Variants in FPR3 observed in about 807,000 individuals in gnomAD.
FPR3 encodes formyl peptide receptor 3.
For missense variants in FPR3, 346 were observed against 443.2 expected, an observed-to-expected ratio of 0.78 and a Z score of 1.97; for synonymous variants, 135 against 163.6, an observed-to-expected ratio of 0.83 and a Z score of 1.34.
intron 1 of FPR3, among the ~76,000 whole-genome samples, chr19:51,801,468 T>C (rs1051113198): frequency 2.0e-5 from 3 of 152,190 alleles, no homozygotes; most frequent in South Asian, 2.1e-4. Flanking sequence ...TCCTCTACAA[T>C]ATAGGTTCTA....
At chr19:51,802,951 G>A (rs2084033908) in intron 1 of FPR3, among the ~76,000 whole-genome samples, 1 of 151,960 alleles carries the variant, frequency 6.6e-6, no homozygotes. Flanking sequence ...AGCTGTCTGA[G>A]GGCAGGAATT....
At chr19:51,811,255 T>C (rs1485974244) in intron 1 of FPR3, among the ~76,000 whole-genome samples, 1 of 141,064 alleles carries the variant, frequency 7.1e-6, no homozygotes, top group African/African-American at 2.5e-5. Context: ...GTGCTGCCTG[T>C]GGAAACCATG....
At chr19:51,795,680 A>AT (rs1293871472) in intron 1 of FPR3, among the ~76,000 whole-genome samples, 7 of 151,042 alleles carry the variant, frequency 4.6e-5, no homozygotes, top group African/African-American at 1.7e-4. Context: ...CGCCTGGCTA[A>AT]TTTTTTGTAT....
At chr19:51,796,900 C>T (rs913084404) in intron 1 of FPR3, among the ~76,000 whole-genome samples, 13 of 152,050 alleles carry the variant, frequency 8.5e-5, no homozygotes, top group Non-Finnish European at 1.5e-4. Context: ...GAAAAGACAG[C>T]ATAATGGTTT....
At chr19:51,809,404 T>C (rs1055486443) in intron 1 of FPR3, among the ~76,000 whole-genome samples, 1 of 152,208 alleles carries the variant, frequency 6.6e-6, no homozygotes, top group Admixed American at 6.5e-5. Context: ...CCATAAAATT[T>C]CTTTCCTTTA....
At chr19:51,804,773 G>C (rs573171317) in intron 1 of FPR3, 4 of 152,314 alleles carry the variant, frequency 2.6e-5, no homozygotes, top group South Asian at 2.1e-4. Flanking sequence ...TGAACAAAGG[G>C]GGGTGAATGC....
chr19:51,820,981 A>G (rs17761865), intron 1 of FPR3, among the ~76,000 whole-genome samples: 20,042 of 152,194 alleles, frequency 0.13, 1,528 homozygotes, highest in South Asian at 0.29. Context: ...CATAAGTAGT[A>G]GCCACTATTG....
rs201759424 is a variant in FPR3, at chr19:51,823,848, G to T, written c.100G>T (p.Gly34Ter). 1.2e-6 allele frequency: 2 copies of T among 1,614,028 alleles called. No homozygotes were observed. The highest frequency in any genetic ancestry group is 2.7e-5 in the African/African-American group (2 of 75,008). ...VLWIFSLLVH[G>*]VTFVFGVLGN... ...GTGGATCTTCTCATTGCTAGTCCAC[G>T]GAGTCACCTTTGTCTTCGGGGTCCT... Residue 34 changes from glycine (G) to a stop codon, truncating the protein, a stop_gained, in exon 2 of 2, where the codon GGA (glycine) becomes TGA (stop). Coordinates refer to ENST00000339223, the MANE Select transcript of FPR3 (RefSeq NM_002030.5). LOFTEE classifies it low-confidence loss of function (END_TRUNC).
chr19:51,819,010 G>A (rs1478310292), intron 1 of FPR3, among the ~76,000 whole-genome samples: 2 of 152,222 alleles, frequency 1.3e-5, no homozygotes, highest in African/African-American at 4.8e-5. Context: ...ATGGGTAGTG[G>A]AGATGGAGAT....
chr19:51,815,268 T>C (rs1237529193), intron 1 of FPR3, among the ~76,000 whole-genome samples: 1 of 151,834 alleles, frequency 6.6e-6, no homozygotes, highest in East Asian at 1.9e-4. Context: ...TTGAGCTCTA[T>C]AAAAAAATGT....
At chr19:51,812,606 GGCTA>G (rs2084105109) in intron 1 of FPR3, among the ~76,000 whole-genome samples, 4 of 152,082 alleles carry the variant, frequency 2.6e-5, no homozygotes, top group African/African-American at 9.7e-5. Flanking sequence ...CACCTTTCCA[GGCTA>G]CCTAGGGGTA....
intron 1 of FPR3, among the ~76,000 whole-genome samples, chr19:51,795,901 A>C (rs564086635): frequency 7.7e-5 from 11 of 143,768 alleles, no homozygotes; most frequent in South Asian, 4.1e-4. Flanking sequence ...CAGTGGCTAC[A>C]AAAAAATTTT....
At chr19:51,798,088 G>C (rs914077389) in intron 1 of FPR3, among the ~76,000 whole-genome samples, 2 of 151,860 alleles carry the variant, frequency 1.3e-5, no homozygotes, top group African/African-American at 2.4e-5. Context: ...GGGGAAAATG[G>C]GGGCTCAAAG....
chr19:51,812,946 C>T (rs774796726), intron 1 of FPR3, among the ~76,000 whole-genome samples: 4 of 152,054 alleles, frequency 2.6e-5, no homozygotes, highest in Non-Finnish European at 4.4e-5. Flanking sequence ...CATGGTGAAA[C>T]TCTGTCTCTA....
chr19:51,795,472 T>A (rs2083990394), intron 1 of FPR3, 141 bp downstream of exon 1: 1 of 149,958 alleles, frequency 6.7e-6, no homozygotes, highest in Non-Finnish European at 1.5e-5. Context: ...TCATTAACAG[T>A]GTTTAATTTG....
At chr19:51,810,066 G>A (rs533680559) in intron 1 of FPR3, among the ~76,000 whole-genome samples, 17 of 152,278 alleles carry the variant, frequency 1.1e-4, no homozygotes, top group Admixed American at 2.0e-4. Flanking sequence ...GGTCCTTTCT[G>A]TACTGAGATC....
chr19:51,806,746 T>C (rs1430165347), intron 1 of FPR3, among the ~76,000 whole-genome samples: 1 of 152,238 alleles, frequency 6.6e-6, no homozygotes, highest in Non-Finnish European at 1.5e-5. Context: ...AATGTCGCTG[T>C]ACATGACCAG....
intron 1 of FPR3, among the ~76,000 whole-genome samples, chr19:51,797,255 G>A (rs540733837): frequency 6.6e-6 from 1 of 152,250 alleles, no homozygotes; most frequent in East Asian, 1.9e-4. Context: ...ATGTGGAGTG[G>A]ATTAAGGAGA....
In FPR3 at chr19:51,824,238, T is replaced by C. The variant is rs781503634; in HGVS notation, c.490T>C (p.Trp164Arg). The C allele has an allele frequency of 1.2e-6, 2 of 1,614,198 alleles. No individual in the cohort carries two copies. The highest frequency in any genetic ancestry group is 2.2e-5 in the East Asian group (1 of 44,882). The change falls in exon 2 of 2, where the codon TGG becomes CGG. Residue 164 changes from tryptophan to arginine, a missense_variant. Transcript: ENST00000339223. This position sits in a 1 kb window ranked among gnomAD's most constrained non-coding sequence, Gnocchi z 4.7. ...IVLTLPNFIF[W>R]TTISTTNGDT... ...CCTTACCTTACCAAATTTCATCTTC[T>C]GGACTACAATAAGTACTACGAATGG...
Sources: allele counts gnomAD v4.1 joint callset (sites outside exome capture counted in the v4.1 genomes callset), GRCh38; gene constraint gnomAD v4.1.1; non-coding constraint Gnocchi (gnomAD v3.1); transcripts MANE v1.5; gene names NCBI Gene and HGNC (gene_info 2026-07-23, HGNC 2026-07-21).